Variants in MTCH1 observed in about 807,000 individuals in gnomAD.
The protein encoded by MTCH1 is mitochondrial carrier homolog 1.
A neutral mutation model predicts 49.3 loss-of-function variants in MTCH1; 23 were observed. That is an observed-to-expected ratio of 0.47 (90% CI 0.34 to 0.66). The LOEUF (loss-of-function observed/expected upper bound fraction) is 0.66. MTCH1 is among the 30% of genes least tolerant of loss of function. MTCH1 has a pLI of 0.01. For synonymous variants in MTCH1, 229 were observed against 215.2 expected (o/e 1.06, Z -0.56); for missense variants, 397 against 532.1 (o/e 0.75, Z 2.50).
chr6:36,969,397 G>A (rs979682223), intron 11 of MTCH1: 53 of 1,076,724 alleles, frequency 4.9e-5, no homozygotes, highest in Non-Finnish European at 5.5e-5. Context: ...GCTCCCTCCG[G>A]GCCACTGCCC....
chr6:36,985,478 T>C (rs1764265510), intron 1 of MTCH1, among the ~76,000 whole-genome samples: 1 of 151,934 alleles, frequency 6.6e-6, no homozygotes, highest in Admixed American at 6.6e-5. Flanking sequence ...CTATTGCTTC[T>C]TCCCTCGCCC....
chr6:36,972,827 G>C lies in MTCH1; in HGVS notation c.762-31C>G, dbSNP rs974534131. ...AAACAAGGTAAGCAGAGATGAGCAG[G>C]AGAGGGAGAGGAGCAGTTCCTGGGG... On this transcript the variant is annotated intron_variant, in intron 7 of 11. Coordinates refer to ENST00000373627, the MANE Select transcript of MTCH1 (RefSeq NM_001271641.2). The surrounding 1 kb of genome is among the most constrained non-coding windows in gnomAD (Gnocchi z 4.1). 6.5e-7 allele frequency: 1 copy of C among 1,531,596 alleles called. No individual in the cohort carries two copies. The highest frequency in any genetic ancestry group is 2.5e-5 in the East Asian group (1 of 40,422). The allele number at this position is 1,531,596 out of a possible 1,614,324, so 94.9% of individuals were successfully genotyped here. A position where few individuals can be genotyped will look rare whatever the true frequency, so the allele number is the denominator to read the frequency against.
chr6:36,972,813 G>C lies in MTCH1; in HGVS notation c.762-17C>G, dbSNP rs1166041351. On this transcript the variant is annotated splice_polypyrimidine_tract_variant and intron_variant, in intron 7 of 11. Transcript: ENST00000373627. This position sits in a 1 kb window ranked among gnomAD's most constrained non-coding sequence, Gnocchi z 4.1. ...ATTAATCCACTAAAAAACAAGGTAA[G>C]CAGAGATGAGCAGGAGAGGGAGAGG... is the stretch of plus-strand genomic sequence containing the variant. 1 of 1,539,456 alleles carries C rather than the reference G, an allele frequency of 6.5e-7. No homozygotes were observed. The highest frequency in any genetic ancestry group is 8.8e-7 in the Non-Finnish European group (1 of 1,137,314).
chr6:36,984,385 C>G (rs1764217933), intron 1 of MTCH1, among the ~76,000 whole-genome samples: 1 of 152,174 alleles, frequency 6.6e-6, no homozygotes, highest in Non-Finnish European at 1.5e-5. Context: ...CTTGATGCCC[C>G]TGACTGAATC....
At chr6:36,976,331 G>T (rs1763877047) in intron 6 of MTCH1, among the ~76,000 whole-genome samples, 2 of 152,102 alleles carry the variant, frequency 1.3e-5, no homozygotes, top group East Asian at 3.9e-4. Flanking sequence ...GGGTTCTTGG[G>T]TGTGAAATGC....
At chr6:36,974,007 G>A (rs779891705) in intron 7 of MTCH1, among the ~76,000 whole-genome samples, 2 of 152,200 alleles carry the variant, frequency 1.3e-5, no homozygotes, top group Non-Finnish European at 2.9e-5. Flanking sequence ...GGCTTGATGA[G>A]TTGTTTTTTG....
chr6:36,974,588 G>A (rs990756012), intron 7 of MTCH1, among the ~76,000 whole-genome samples: 1 of 152,084 alleles, frequency 6.6e-6, no homozygotes, highest in South Asian at 2.1e-4. Flanking sequence ...GTTTAGCAGC[G>A]TCTCTGGCCT....
intron 11 of MTCH1, chr6:36,969,223 G>A (rs1194910725): frequency 3.0e-6 from 3 of 985,298 alleles, no homozygotes; most frequent in East Asian, 1.1e-4. Context: ...GAGGCTCATT[G>A]CCCCTCTTGC....
intron 7 of MTCH1, among the ~76,000 whole-genome samples, chr6:36,973,091 G>A (rs1196241336): frequency 2.0e-5 from 3 of 152,150 alleles, no homozygotes; most frequent in Admixed American, 6.5e-5. Context: ...TGCCAAATTT[G>A]GAATTTCCAA....
chr6:36,974,168 C>T (rs145061329), intron 7 of MTCH1, among the ~76,000 whole-genome samples: 131 of 152,172 alleles, frequency 8.6e-4, no homozygotes, highest in African/African-American at 2.9e-3. Flanking sequence ...CAGAGTTTCT[C>T]AACCTTGGCA....
chr6:36,974,897 C>T (rs150199143), intron 7 of MTCH1, among the ~76,000 whole-genome samples: 124 of 152,284 alleles, frequency 8.1e-4, no homozygotes, highest in Admixed American at 3.4e-3. Context: ...TACTTATCAG[C>T]ATGTATGTCA....
chr6:36,970,337 GGCTCGGT>G, intron 10 of MTCH1, 62 bp downstream of exon 10: 6 of 1,582,698 alleles, frequency 3.8e-6, no homozygotes, highest in Non-Finnish European at 5.2e-6. Context: ...GTGCTGGAAG[GGCTCGGT>G]GGGTCTCCCC....
At chr6:36,970,971 G>A (rs1469701716) in intron 8 of MTCH1, 4 of 513,426 alleles carry the variant, frequency 7.8e-6, no homozygotes, top group East Asian at 7.1e-5. Context: ...GGCTGAGCCC[G>A]TGTCTGCCTG....
intron 1 of MTCH1, among the ~76,000 whole-genome samples, chr6:36,984,834 G>C (rs1405654987): frequency 6.6e-6 from 1 of 152,056 alleles, no homozygotes; most frequent in Admixed American, 6.5e-5. Context: ...ATTTCTGGTA[G>C]TCCCTACCTA....
intron 2 of MTCH1, among the ~76,000 whole-genome samples, chr6:36,978,875 C>CTTTTTTTTTTT (rs11322816): frequency 6.0e-5 from 6 of 100,420 alleles, no homozygotes; most frequent in South Asian, 3.6e-4. Flanking sequence ...TCCCTCCCTC[C>CTTTTTTTTTTT]TTTTTTTTTT....
At chr6:36,981,413 C>G (rs1224599317) in intron 2 of MTCH1, among the ~76,000 whole-genome samples, 175 bp downstream of exon 2, 2 of 152,220 alleles carry the variant, frequency 1.3e-5, no homozygotes, top group Non-Finnish European at 2.9e-5. Context: ...GTATGGTTCA[C>G]CTGCTCGCAC....
At chr6:36,974,697 A>G (rs1763802852) in intron 7 of MTCH1, among the ~76,000 whole-genome samples, 1 of 152,184 alleles carries the variant, frequency 6.6e-6, no homozygotes, top group African/African-American at 2.4e-5. Flanking sequence ...AACCGTATAT[A>G]TATTTCTATA....
At chr6:36,986,238 GGGC>G, upstream of MTCH1, 1 of 1,343,574 alleles carries the variant, frequency 7.4e-7, no homozygotes, top group Non-Finnish European at 9.6e-7. Flanking sequence ...CGGCGTCAGG[GGGC>G]GGGGCCGGGG....
rs184240273 is a variant in MTCH1, at chr6:36,982,507, C to T, written c.322-835G>A. ...GGTTCAAGTGATTCTCCTACCCCAG[C>T]CTCCCAAGTAGCTGGGAATACAAGC... On this transcript the variant is annotated intron_variant, in intron 1 of 11. Transcript: ENST00000373627. This position sits in a 1 kb window ranked among gnomAD's most constrained non-coding sequence, Gnocchi z 4.1. Among the ~76,000 whole-genome samples the T allele has an allele frequency of 3.7e-3, 561 of 152,238 alleles. 5 individuals carry two copies. The highest frequency in any genetic ancestry group is 6.8e-3 in the Middle Eastern group (2 of 294).
Sources: allele counts gnomAD v4.1 joint callset (sites outside exome capture counted in the v4.1 genomes callset), GRCh38; gene constraint gnomAD v4.1.1; non-coding constraint Gnocchi (gnomAD v3.1); transcripts MANE v1.5; gene names NCBI Gene and HGNC (gene_info 2026-07-23, HGNC 2026-07-21).